The following PARD3B variants were observed in gnomAD, a reference collection of about 807,000 sequenced individuals.
The protein encoded by PARD3B is partitioning defective 3 homolog B.
PARD3B carries 103 observed loss-of-function variants against 130.2 expected under a neutral mutation model. The ratio of observed to expected loss-of-function variants is 0.79; its 90% CI spans 0.67 to 0.93. The LOEUF is 0.93. Ranked by LOEUF, PARD3B falls within the 40% of genes least tolerant of loss-of-function variation. PARD3B has a pLI of 0.00. For synonymous variants in PARD3B, 583 were observed against 553.2 expected (o/e 1.05, Z -0.76); for missense variants, 1,609 against 1,499.2 (o/e 1.07, Z -1.21).
chr2:204,880,625 C>T (rs1162814262), intron 2 of PARD3B, among the ~76,000 whole-genome samples: 1 of 141,540 alleles, frequency 7.1e-6, no homozygotes, highest in African/African-American at 2.7e-5. Context: ...TGCCACTGCA[C>T]TCCAGCCTGG....
chr2:205,039,788 A>G (rs1030488483), intron 3 of PARD3B, among the ~76,000 whole-genome samples: 3 of 152,134 alleles, frequency 2.0e-5, no homozygotes, highest in Non-Finnish European at 2.9e-5. Flanking sequence ...AGTTTAGATG[A>G]AAAGAATTGC....
chr2:205,096,161 T>G (rs900143185), intron 4 of PARD3B, among the ~76,000 whole-genome samples: 4 of 152,142 alleles, frequency 2.6e-5, no homozygotes, highest in African/African-American at 9.6e-5. Flanking sequence ...AATTTTTATA[T>G]GTATGTTTAT....
At chr2:205,372,145 A>G (rs1286791253) in intron 18 of PARD3B, among the ~76,000 whole-genome samples, 1 of 152,154 alleles carries the variant, frequency 6.6e-6, no homozygotes, top group Non-Finnish European at 1.5e-5. Flanking sequence ...TTGCATGAAT[A>G]TATGCTTTCA....
intron 2 of PARD3B, among the ~76,000 whole-genome samples, chr2:204,780,374 C>CT (rs1309057544): frequency 6.6e-6 from 1 of 151,936 alleles, no homozygotes; most frequent in Admixed American, 6.6e-5. Context: ...GCAGTTTGGC[C>CT]TTTGATAGTT....
At chr2:204,694,235 G>A (rs1240342958) in intron 2 of PARD3B, among the ~76,000 whole-genome samples, 2 of 152,012 alleles carry the variant, frequency 1.3e-5, no homozygotes, top group Non-Finnish European at 2.9e-5. Context: ...GTCAACATTT[G>A]TAAATCATCT....
intron 2 of PARD3B, among the ~76,000 whole-genome samples, chr2:204,826,632 T>C (rs2043588460): frequency 6.6e-6 from 1 of 152,178 alleles, no homozygotes; most frequent in Non-Finnish European, 1.5e-5. Context: ...TCTCTGGAAA[T>C]AGGTTGAATT....
chr2:205,396,330 T>C (rs1468128782), intron 18 of PARD3B, among the ~76,000 whole-genome samples: 1 of 152,234 alleles, frequency 6.6e-6, no homozygotes, highest in Non-Finnish European at 1.5e-5. Context: ...GACGATATTG[T>C]GTGGTTTTGT....
intron 4 of PARD3B, among the ~76,000 whole-genome samples, chr2:205,083,422 A>G (rs933351202): frequency 6.6e-6 from 1 of 152,046 alleles, no homozygotes; most frequent in African/African-American, 2.4e-5. Flanking sequence ...AAGGATGAAC[A>G]ATAGGCTGAT....
At chr2:204,771,313 C>T (rs2041367848) in intron 2 of PARD3B, among the ~76,000 whole-genome samples, 1 of 152,010 alleles carries the variant, frequency 6.6e-6, no homozygotes, top group Non-Finnish European at 1.5e-5. Flanking sequence ...GAATTATCTG[C>T]ACCCAAGCTG....
intron 11 of PARD3B, among the ~76,000 whole-genome samples, chr2:205,170,734 T>C (rs1208871277): frequency 1.3e-5 from 2 of 151,956 alleles, no homozygotes; most frequent in African/African-American, 4.8e-5. Context: ...CCCAAAGCTG[T>C]CTGGTTGGTT....
intron 20 of PARD3B, among the ~76,000 whole-genome samples, chr2:205,459,331 G>T (rs1222374580): frequency 6.6e-6 from 1 of 151,828 alleles, no homozygotes; most frequent in African/African-American, 2.4e-5. Flanking sequence ...CAGCTTTTTT[G>T]ATTATTCTCA....
intron 2 of PARD3B, among the ~76,000 whole-genome samples, chr2:204,787,714 A>G (rs2042060239): frequency 6.6e-6 from 1 of 152,342 alleles, no homozygotes; most frequent in East Asian, 1.9e-4. Flanking sequence ...ACCACTGTTC[A>G]AGGATAAAAT....
intron 2 of PARD3B, among the ~76,000 whole-genome samples, chr2:204,885,969 T>C (rs2125679727): frequency 6.6e-6 from 1 of 152,322 alleles, no homozygotes; most frequent in African/African-American, 2.4e-5. Flanking sequence ...TCTCCCACTT[T>C]TCTTTTTCTA....
At chr2:205,217,671 C>T (rs1301520083) in intron 15 of PARD3B, among the ~76,000 whole-genome samples, 1 of 150,564 alleles carries the variant, frequency 6.6e-6, no homozygotes, top group African/African-American at 2.4e-5. Context: ...ATGTCTCTAA[C>T]CTACTGGTTT....
chr2:204,881,204 A>G (rs1441339123), intron 2 of PARD3B, among the ~76,000 whole-genome samples: 1 of 152,198 alleles, frequency 6.6e-6, no homozygotes, highest in African/African-American at 2.4e-5. Context: ...AAGTATGCCA[A>G]TATTGTTAAT....
At chr2:204,794,499 C>T (rs2042302765) in intron 2 of PARD3B, among the ~76,000 whole-genome samples, 1 of 152,002 alleles carries the variant, frequency 6.6e-6, no homozygotes, top group Non-Finnish European at 1.5e-5. Context: ...TTGCTGATTA[C>T]CGTGGTGGAA....
At chr2:204,726,480 G>T (rs1443081921) in intron 2 of PARD3B, among the ~76,000 whole-genome samples, 1 of 152,000 alleles carries the variant, frequency 6.6e-6, no homozygotes, top group Non-Finnish European at 1.5e-5. Context: ...CTACCCTTTG[G>T]CTGCCTCCCT....
intron 20 of PARD3B, among the ~76,000 whole-genome samples, chr2:205,476,454 C>G (rs745398737): frequency 4.6e-5 from 7 of 152,202 alleles, no homozygotes; most frequent in African/African-American, 1.4e-4. Context: ...TTCTGAGTAG[C>G]CTGTTACTCT....
Position 205,180,943 on chromosome 2 carries a change from T to G in PARD3B, c.1924+4366T>G, listed in dbSNP as rs1365663401. ...TGAAATGCACCAACACTGTATTTTC[T>G]GAGGAATCTTGCTGGCAGATCTTAC... is the stretch of plus-strand genomic sequence containing the variant. On this transcript the variant is annotated intron_variant, in intron 13 of 22. Coordinates refer to ENST00000406610, the MANE Select transcript of PARD3B (RefSeq NM_001302769.2). Among the ~76,000 whole-genome samples, 6 of 152,296 alleles carry G rather than the reference T, an allele frequency of 3.9e-5. No homozygotes were observed. In the East Asian group the frequency reaches 1.2e-3, roughly 29 times the overall value.
Sources: allele counts gnomAD v4.1 joint callset (sites outside exome capture counted in the v4.1 genomes callset), GRCh38; gene constraint gnomAD v4.1.1; transcripts MANE v1.5; gene names NCBI Gene and HGNC (gene_info 2026-07-23, HGNC 2026-07-21).